The following SYT9 variants were observed in gnomAD, a reference collection of about 807,000 sequenced individuals.
The protein encoded by SYT9 is synaptotagmin 9, also known as synaptotagmin-9.
SYT9 carries 22 observed loss-of-function variants against 48.4 expected under a neutral mutation model. That is an observed-to-expected ratio of 0.45 (90% CI 0.32 to 0.65). The LOEUF is 0.65. Ranked by LOEUF, SYT9 falls within the 30% of genes least tolerant of loss-of-function variation. SYT9 has a pLI of 0.03. For missense variants in SYT9, 577 were observed against 622.0 expected (o/e 0.93, Z 0.77); for synonymous variants, 265 against 245.0 (o/e 1.08, Z -0.76).
In SYT9 at chr11:7,367,104, C is replaced by T. The variant is rs1480685332; in HGVS notation, c.1045-48938C>T. On this transcript the variant is annotated intron_variant, in intron 3 of 6. Transcript: ENST00000318881. ...TTTTTTTTTTTTTTTTTTTTCGAGA[C>T]GGAGCCTCGCTCTGTCACCCAGGCT... Among the ~76,000 whole-genome samples the T allele has an allele frequency of 2.2e-4, 15 of 69,706 alleles. No homozygotes were observed. In the East Asian group the frequency reaches 2.3e-3, roughly 11 times the overall value. The allele number at this position is 69,706 out of a possible 152,430, so 45.7% of individuals were successfully genotyped here.
At chr11:7,359,085 G>A (rs547003582) in intron 3 of SYT9, among the ~76,000 whole-genome samples, 1 of 149,202 alleles carries the variant, frequency 6.7e-6, no homozygotes, top group South Asian at 2.2e-4. Flanking sequence ...CCACCTATGA[G>A]TGAGAATATG....
intron 1 of SYT9, among the ~76,000 whole-genome samples, chr11:7,287,406 G>C (rs1248408359): frequency 6.6e-6 from 1 of 152,188 alleles, no homozygotes; most frequent in Non-Finnish European, 1.5e-5. Flanking sequence ...TGGGGACACA[G>C]AGCCAAACCA....
intron 3 of SYT9, among the ~76,000 whole-genome samples, chr11:7,352,020 C>T (rs1290444833): frequency 6.6e-6 from 1 of 152,118 alleles, no homozygotes; most frequent in Non-Finnish European, 1.5e-5. Context: ...CTTTGCAGGT[C>T]TAGGTCTGAG....
At chr11:7,379,945 T>C (rs1589984646) in intron 3 of SYT9, among the ~76,000 whole-genome samples, 6 of 152,268 alleles carry the variant, frequency 3.9e-5, no homozygotes, top group African/African-American at 1.4e-4. Flanking sequence ...GCTGGGTATA[T>C]ACCCAAAAGA....
chr11:7,297,450 A>G (rs1384669865), intron 1 of SYT9, among the ~76,000 whole-genome samples: 6 of 152,220 alleles, frequency 3.9e-5, no homozygotes, highest in African/African-American at 1.2e-4. Flanking sequence ...TACAATTATC[A>G]TACCTAAAAT....
At chr11:7,375,567 T>G (rs1197773366) in intron 3 of SYT9, among the ~76,000 whole-genome samples, 1 of 151,952 alleles carries the variant, frequency 6.6e-6, no homozygotes, top group East Asian at 1.9e-4. Flanking sequence ...GTTTTTCCAT[T>G]TGTTTGTGTC....
intron 6 of SYT9, among the ~76,000 whole-genome samples, chr11:7,429,606 T>C (rs1039120169): frequency 6.6e-6 from 1 of 152,212 alleles, no homozygotes; most frequent in African/African-American, 2.4e-5. Flanking sequence ...AAACATCTTA[T>C]TTAGGATACA....
intron 3 of SYT9, among the ~76,000 whole-genome samples, chr11:7,321,696 T>C (rs1175620437): frequency 6.6e-6 from 1 of 152,096 alleles, no homozygotes; most frequent in African/African-American, 2.4e-5. Flanking sequence ...GAGTCAGCAA[T>C]GTATGAGCTG....
At chr11:7,283,658 G>A (rs935895918) in intron 1 of SYT9, among the ~76,000 whole-genome samples, 2 of 152,094 alleles carry the variant, frequency 1.3e-5, no homozygotes, top group East Asian at 3.9e-4. Flanking sequence ...GATCCCAATC[G>A]CATTAGCCAA....
intron 3 of SYT9, among the ~76,000 whole-genome samples, chr11:7,323,407 C>T (rs1274430254): frequency 6.6e-6 from 1 of 152,010 alleles, no homozygotes; most frequent in African/African-American, 2.4e-5. Flanking sequence ...TGAATAAGGA[C>T]AATTTTGTTT....
chr11:7,297,069 TG>T (rs1848824807), intron 1 of SYT9, among the ~76,000 whole-genome samples: 1 of 148,352 alleles, frequency 6.7e-6, no homozygotes, highest in Admixed American at 6.7e-5. Context: ...GGTGTGTGTG[TG>T]TGTGTGTGTG....
At chr11:7,455,850 A>G (rs1315679100) in intron 6 of SYT9, among the ~76,000 whole-genome samples, 1 of 152,162 alleles carries the variant, frequency 6.6e-6, no homozygotes, top group African/African-American at 2.4e-5. Context: ...ATTCTGGGCA[A>G]AAATGGCCTT....
intron 6 of SYT9, among the ~76,000 whole-genome samples, chr11:7,441,938 A>G (rs1847836289): frequency 6.6e-6 from 1 of 151,828 alleles, no homozygotes; most frequent in Non-Finnish European, 1.5e-5. Flanking sequence ...CCTTCCAGCT[A>G]TGACTCTCCC....
At chr11:7,367,070 A>ATTTTT (rs1850260250) in intron 3 of SYT9, among the ~76,000 whole-genome samples, 1 of 91,836 alleles carries the variant, frequency 1.1e-5, no homozygotes, top group African/African-American at 4.0e-5. Flanking sequence ...CCAGGAGACC[A>ATTTTT]TCTTTTTTTT....
At chr11:7,262,699 C>G (rs1589894452) in intron 1 of SYT9, among the ~76,000 whole-genome samples, 1 of 152,056 alleles carries the variant, frequency 6.6e-6, no homozygotes, top group African/African-American at 2.4e-5. Context: ...AGACTGGGCA[C>G]TCACCATTGC....
intron 1 of SYT9, among the ~76,000 whole-genome samples, chr11:7,246,442 C>T (rs903201328): frequency 6.6e-6 from 1 of 152,156 alleles, no homozygotes; most frequent in African/African-American, 2.4e-5. Flanking sequence ...CATATTTGTT[C>T]AATGAATGAA....
intron 3 of SYT9, among the ~76,000 whole-genome samples, chr11:7,367,072 C>CTTTT (rs35502843): frequency 1.9e-4 from 10 of 53,262 alleles, no homozygotes; most frequent in African/African-American, 1.9e-4. Flanking sequence ...AGGAGACCAT[C>CTTTT]TTTTTTTTTT....
intron 3 of SYT9, among the ~76,000 whole-genome samples, chr11:7,380,106 A>C (rs934414207): frequency 6.6e-6 from 1 of 152,234 alleles, no homozygotes; most frequent in Non-Finnish European, 1.5e-5. Context: ...AGTACTACTC[A>C]GCCATAAAAA....
At chr11:7,343,796 A>G (rs1220546919) in intron 3 of SYT9, among the ~76,000 whole-genome samples, 2 of 152,216 alleles carry the variant, frequency 1.3e-5, no homozygotes, top group Admixed American at 1.3e-4. Flanking sequence ...ATAAAGAAAA[A>G]GAGGTTTAAT....
Sources: gnomAD v4.1 joint callset for allele counts (sites outside exome capture counted in the v4.1 genomes callset) on GRCh38, gnomAD v4.1.1 for gene constraint, MANE v1.5 for transcripts, NCBI Gene and HGNC (gene_info 2026-07-23, HGNC 2026-07-21) for gene names.